Variants in GOLT1B observed in about 807,000 individuals in gnomAD.
The protein encoded by GOLT1B is vesicle transport protein GOT1B.
A neutral mutation model predicts 15.4 loss-of-function variants in GOLT1B; 3 were observed. That is an observed-to-expected ratio of 0.19 (90% confidence interval 0.09 to 0.50). The LOEUF (loss-of-function observed/expected upper bound fraction) is 0.50, where lower values mean the gene tolerates loss of function less well. Ranked by LOEUF, GOLT1B falls within the 20% of genes least tolerant of loss-of-function variation. GOLT1B has a pLI of 0.97. For missense variants in GOLT1B, 145 were observed against 160.4 expected (o/e 0.90, Z 0.52); for synonymous variants, 65 against 56.2 (o/e 1.16, Z -0.70).
At chr12:21,515,485 A>G (rs1943749342) in intron 4 of GOLT1B, among the ~76,000 whole-genome samples, 184 bp from the exon 5 acceptor site, 1 of 152,326 alleles carries the variant, frequency 6.6e-6, no homozygotes, top group Non-Finnish European at 1.5e-5. Context: ...AAAAAATTTT[A>G]TACACGTTTA....
intron 4 of GOLT1B, among the ~76,000 whole-genome samples, chr12:21,513,178 A>G (rs1943732549): frequency 6.6e-6 from 1 of 152,076 alleles, no homozygotes; most frequent in African/African-American, 2.4e-5. Flanking sequence ...AGCTTGTCAA[A>G]TTTGTTTTCC....
At chr12:21,505,466 A>G (rs565246840) in intron 1 of GOLT1B, among the ~76,000 whole-genome samples, 1 of 152,238 alleles carries the variant, frequency 6.6e-6, no homozygotes, top group South Asian at 2.1e-4. Flanking sequence ...TCAGCCTCAA[A>G]TTTTCATAGG....
chr12:21,505,299 C>T (rs919899240), intron 1 of GOLT1B, among the ~76,000 whole-genome samples: 2 of 152,144 alleles, frequency 1.3e-5, no homozygotes, highest in African/African-American at 4.8e-5. Context: ...TAGTCATCTT[C>T]AACTAACAAA....
In GOLT1B at chr12:21,503,870, C is replaced by T. The variant is rs887077198; in HGVS notation, c.25+1922C>T. 9.0e-3 allele frequency among the ~76,000 whole-genome samples: 30 copies of T among 3,318 alleles called. No individual in the cohort carries two copies. The Non-Finnish European group carries it at 0.11, about 12-fold the overall frequency. 2.2% of individuals were successfully genotyped at this position (3,318 alleles called of 152,430 possible). ...TAAGGCATTCTAGGACTTTCCTCAC[C>T]GCCCCAAAAAAGACAAGACTTATTC... On this transcript the variant is annotated intron_variant, in intron 1 of 4. Coordinates refer to ENST00000229314, the MANE Select transcript of GOLT1B (RefSeq NM_016072.5).
intron 3 of GOLT1B, among the ~76,000 whole-genome samples, chr12:21,511,535 C>G (rs1388361098): frequency 6.6e-6 from 1 of 152,180 alleles, no homozygotes; most frequent in Non-Finnish European, 1.5e-5. Context: ...TTCCAGCCCT[C>G]TAATCTTGCC....
intron 1 of GOLT1B, among the ~76,000 whole-genome samples, chr12:21,505,582 AT>A (rs879897109): frequency 2.6e-5 from 4 of 152,308 alleles, no homozygotes; most frequent in East Asian, 1.9e-4. Flanking sequence ...GACACTAGTT[AT>A]CAGGAAATTG....
intron 1 of GOLT1B, chr12:21,504,459 G>A: frequency 2.3e-6 from 1 of 443,126 alleles, no homozygotes; most frequent in South Asian, 1.6e-5. Flanking sequence ...AAGATGTTTT[G>A]GGCAATGTCT....
chr12:21,508,150 A>C (rs1352968888), intron 2 of GOLT1B: 1 of 497,738 alleles, frequency 2.0e-6, no homozygotes, highest in Non-Finnish European at 3.6e-6. Context: ...TTCTCCATTT[A>C]ATCAAGATAG....
rs1425694411 is a variant in GOLT1B, at chr12:21,517,244, A to C, written c.*1537A>C. 6.6e-6 allele frequency: 1 copy of C among 152,472 alleles called. No individual in the cohort carries two copies. The highest frequency in any genetic ancestry group is 1.5e-5 in the Non-Finnish European group (1 of 67,884). 9.4% of individuals were successfully genotyped at this position (152,472 alleles called of 1,614,324 possible). ...CTAAATAAGGAAAGACTTGGTGTAT[A>C]GTGTGATGGTTTAGTCTTAAGGATT... is the stretch of plus-strand genomic sequence containing the variant. On this transcript the variant is annotated 3_prime_UTR_variant, in exon 5 of 5. Transcript: ENST00000229314.
chr12:21,511,213 G>A (rs1943716959), intron 3 of GOLT1B, among the ~76,000 whole-genome samples: 1 of 152,142 alleles, frequency 6.6e-6, no homozygotes, highest in African/African-American at 2.4e-5. Flanking sequence ...TAATTTACTA[G>A]AGAGGCTCAC....
chr12:21,507,506 G>A (rs547059767), intron 2 of GOLT1B, among the ~76,000 whole-genome samples: 3 of 107,838 alleles, frequency 2.8e-5, no homozygotes, highest in Admixed American at 2.0e-4. Context: ...AGGTAGTGAA[G>A]ACACTGTATG....
At chr12:21,510,557 C>G (rs1943712267) in intron 3 of GOLT1B, among the ~76,000 whole-genome samples, 1 of 152,108 alleles carries the variant, frequency 6.6e-6, no homozygotes, top group Non-Finnish European at 1.5e-5. Flanking sequence ...CTGAGATATT[C>G]TGAGCTGGAG....
In GOLT1B at chr12:21,501,956, C is replaced by A. The variant is rs1943630217; in HGVS notation, c.25+8C>A. ...CCTTAACGGACACGCAGAGTAAGCA[C>A]CTGCTCCGGGGCCCCCGCCTCGAGC... is the stretch of plus-strand genomic sequence containing the variant. On this transcript the variant is annotated splice_region_variant and intron_variant, in intron 1 of 4. Coordinates refer to ENST00000229314, the MANE Select transcript of GOLT1B (RefSeq NM_016072.5). 1.2e-6 allele frequency: 2 copies of A among 1,603,362 alleles called. No individual in the cohort carries two copies. Among genetic ancestry groups the A allele is most frequent in the Non-Finnish European group, 1.7e-6 (2 of 1,170,600 alleles).
Position 21,518,201 on chromosome 12 carries a change from A to T in GOLT1B, c.*2494A>T, listed in dbSNP as rs559451272. 8.5e-5 allele frequency: 13 copies of T among 152,250 alleles called. No homozygotes were observed. In the South Asian group the frequency reaches 2.7e-3, roughly 32 times the overall value. 9.4% of individuals were successfully genotyped at this position (152,250 alleles called of 1,614,324 possible). On this transcript the variant is annotated 3_prime_UTR_variant, in exon 5 of 5. Coordinates refer to ENST00000229314, the MANE Select transcript of GOLT1B (RefSeq NM_016072.5). ...TCTGTGTTATGAAGTTCTAAAAGCT[A>T]ATTTAGCATTGCAAAATAACCTCAT... is the stretch of plus-strand genomic sequence containing the variant.
At chr12:21,507,059 G>A (rs1488480945) in intron 2 of GOLT1B, 83 bp downstream of exon 2, 7 of 682,450 alleles carry the variant, frequency 1.0e-5, no homozygotes, top group East Asian at 8.4e-5. Flanking sequence ...TTAAATTTGG[G>A]GAAAATAATT....
intron 1 of GOLT1B, among the ~76,000 whole-genome samples, chr12:21,503,069 C>G (rs1403068407): frequency 1.3e-5 from 2 of 152,246 alleles, no homozygotes; most frequent in East Asian, 3.8e-4. Context: ...TGGACTGGGG[C>G]TGCCTCTTGG....
rs1372486242 is a variant in GOLT1B at position 21,516,387 on chromosome 12, T to A, written c.*680T>A. The A allele has an allele frequency of 2.0e-5, 3 of 152,284 alleles. No homozygotes were observed. Among genetic ancestry groups the A allele is most frequent in the Admixed American group, 2.0e-4 (3 of 15,296 alleles). The allele number at this position is 152,284 out of a possible 1,614,324, so 9.4% of individuals were successfully genotyped here. A position where few individuals can be genotyped will look rare whatever the true frequency, so the allele number is the denominator to read the frequency against. On this transcript the variant is annotated 3_prime_UTR_variant, in exon 5 of 5. Transcript: ENST00000229314. ...TTATAGCTAAGTTTTGTCAGCAGCA[T>A]ACTCCGGAAAGTCTCATACTTCTTG... is the stretch of plus-strand genomic sequence containing the variant.
chr12:21,505,345 T>C (rs930882792), intron 1 of GOLT1B, among the ~76,000 whole-genome samples: 4 of 152,218 alleles, frequency 2.6e-5, no homozygotes, highest in African/African-American at 9.6e-5. Context: ...TAAATAGTTA[T>C]TTAATAGAAT....
At chr12:21,507,025 C>G in intron 2 of GOLT1B, 49 bp downstream of exon 2, 1 of 759,772 alleles carries the variant, frequency 1.3e-6, no homozygotes, top group Non-Finnish European at 2.3e-6. Context: ...GAAATTTTAA[C>G]TACGAATGAA....
Sources: allele counts gnomAD v4.1 joint callset (sites outside exome capture counted in the v4.1 genomes callset), GRCh38; gene constraint gnomAD v4.1.1; transcripts MANE v1.5; gene names NCBI Gene and HGNC (gene_info 2026-07-23, HGNC 2026-07-21).